The following ABI3BP variants were observed in gnomAD, a reference collection of about 807,000 sequenced individuals.
ABI3BP encodes the protein target of Nesh-SH3.
Under a neutral mutation model 268.6 loss-of-function variants are expected in ABI3BP, and 216 were observed. The observed-to-expected ratio is 0.80, with a 90% confidence interval of 0.72 to 0.90. The LOEUF (loss-of-function observed/expected upper bound fraction) is 0.90. Among genes scored for constraint, ABI3BP ranks in the 40% least tolerant of loss-of-function variants. The pLI is 0.00. For synonymous variants in ABI3BP, 730 were observed against 730.0 expected (o/e 1.00, Z 0.00); for missense variants, 2,090 against 2,182.4 (o/e 0.96, Z 0.84).
At chr3:100,983,725 C>T (rs1010841601) in intron 1 of ABI3BP, among the ~76,000 whole-genome samples, 13 of 152,068 alleles carry the variant, frequency 8.5e-5, no homozygotes, top group African/African-American at 2.7e-4. Context: ...AATCCTAATA[C>T]GATGATTAAA....
intron 1 of ABI3BP, among the ~76,000 whole-genome samples, chr3:100,933,002 T>C (rs373833767): frequency 2.6e-5 from 4 of 151,998 alleles, no homozygotes; most frequent in Admixed American, 2.0e-4. Context: ...AGGAATTCTT[T>C]CATATCTAAT....
Position 100,792,694 on chromosome 3 carries a change from G to A in ABI3BP, c.4021C>T (p.Gln1341Ter). 1 of 1,611,134 alleles carries A rather than the reference G, an allele frequency of 6.2e-7. No homozygotes were observed. ...CAGAGGTAGGGGAGAGGATTACCCT[G>A]AGTTGTCTTTGCTAGTTCAGTTGTT... The part of the protein sequence containing the change: ...PRTTELAKTT[Q>*]APHRFYTTVR... The change falls in exon 55 of 68, where the codon CAG becomes TAG. Residue 1341 changes from glutamine to a stop codon, truncating the protein, a stop_gained. Coordinates refer to ENST00000471714, the MANE Select transcript of ABI3BP (RefSeq NM_001375547.2). LOFTEE classifies it high-confidence loss of function.
intron 1 of ABI3BP, among the ~76,000 whole-genome samples, chr3:100,935,177 G>A (rs778604243): frequency 1.5e-4 from 23 of 152,256 alleles, no homozygotes; most frequent in Non-Finnish European, 2.4e-4. Flanking sequence ...AACGGATCCA[G>A]TTTCTGCTTT....
intron 29 of ABI3BP, among the ~76,000 whole-genome samples, 151 bp from the exon 30 acceptor site, chr3:100,833,308 T>C (rs2098523254): frequency 6.6e-6 from 1 of 152,168 alleles, no homozygotes; most frequent in East Asian, 1.9e-4. Context: ...CAAGTGAGGG[T>C]ACATATTTAT....
chr3:100,848,045 A>C (rs2098793666), intron 18 of ABI3BP, among the ~76,000 whole-genome samples: 1 of 152,184 alleles, frequency 6.6e-6, no homozygotes, highest in African/African-American at 2.4e-5. Context: ...CTGTATCTTC[A>C]ACTCTTTCTT....
At chr3:100,780,021 T>TA (rs2096823071) in intron 58 of ABI3BP, 111 bp downstream of exon 58, 1 of 890,972 alleles carries the variant, frequency 1.1e-6, no homozygotes, top group Admixed American at 2.0e-5. Flanking sequence ...GTGGTTCTGA[T>TA]ACTTCGGGGG....
rs1410078131 is a variant in ABI3BP at position 100,850,060 on chromosome 3, G to C, written c.1486C>G (p.Gln496Glu). Residue 496 changes from glutamine to glutamate, a missense_variant, in exon 17 of 68, where the codon CAG becomes GAG. Physicochemically the swap from Gln to Glu is conservative, Grantham distance 29 (BLOSUM62 2). Coordinates refer to ENST00000471714, the MANE Select transcript of ABI3BP (RefSeq NM_001375547.2). ...CATTAGTTACCAGGTGTCGTAGGCT[G>C]CATTTCTGGACTGGTAAAGATTTCC... ...KLEIFTSPEM[Q>E]PTTPAPQQTT... The C allele has an allele frequency of 1.2e-6, 2 of 1,611,266 alleles. No homozygotes were observed. The highest frequency in any genetic ancestry group is 1.7e-5 in the Admixed American group (1 of 59,750).
At chr3:100,937,685 C>A (rs991962607) in intron 1 of ABI3BP, among the ~76,000 whole-genome samples, 3 of 152,026 alleles carry the variant, frequency 2.0e-5, no homozygotes, top group African/African-American at 7.2e-5. Flanking sequence ...ACTCAACAAA[C>A]ATAAAGTTAG....
intron 15 of ABI3BP, 22 bp downstream of exon 15, chr3:100,851,853 A>G (rs1251203433): frequency 1.3e-6 from 2 of 1,565,434 alleles, no homozygotes; most frequent in Admixed American, 3.9e-5. Context: ...ATCCAAAGAC[A>G]GAATTGAGAG....
In ABI3BP at chr3:100,864,900, A is replaced by G. The variant is rs2099035166; in HGVS notation, c.996T>C (p.Pro332=). The change falls in exon 11 of 68, where the codon CCT becomes CCC. Residue 332 remains proline (P), a synonymous_variant. Transcript: ENST00000471714. The stretch of plus-strand genomic sequence containing the variant: ...GTTTAGTGCTTCTTGGAACTGTTTC[A>G]GGAGTCACTGAAAGGTAAAAAGCAC... ...KISARPTTVT[P]ETVPRSTKPT... 6.2e-7 allele frequency: 1 copy of G among 1,604,316 alleles called. No homozygotes were observed.
Position 100,774,654 on chromosome 3 carries a change from G to A in ABI3BP, c.4482C>T (p.Ser1494=). 1 of 1,580,700 alleles carries A rather than the reference G, an allele frequency of 6.3e-7. No individual in the cohort carries two copies. Among genetic ancestry groups the A allele is most frequent in the East Asian group, 2.3e-5 (1 of 44,020 alleles). ...GATCAGTTTCTCTTGTTGGGCTTGA[G>A]CTAAAGTCAGTTATATTTTCTGAGA... is the stretch of plus-strand genomic sequence containing the variant. ...GEELENITDF[S]SSPTRETDPL... is the part of the protein sequence containing the mutation. The change falls in exon 61 of 68, where the codon AGC becomes AGT. Residue 1494 remains serine (S), a synonymous_variant. Coordinates refer to ENST00000471714, the MANE Select transcript of ABI3BP (RefSeq NM_001375547.2).
chr3:100,862,583 C>T (rs2099010181), intron 13 of ABI3BP, 198 bp from the exon 14 acceptor site: 1 of 580,088 alleles, frequency 1.7e-6, no homozygotes, highest in Non-Finnish European at 3.0e-6. Flanking sequence ...CAGAGAGAGA[C>T]CAGAGTTTGG....
intron 57 of ABI3BP, among the ~76,000 whole-genome samples, chr3:100,784,908 T>TA (rs1169730268): frequency 6.6e-6 from 1 of 152,000 alleles, no homozygotes; most frequent in Non-Finnish European, 1.5e-5. Flanking sequence ...AAGCTAGGGA[T>TA]AAAAAACTAC....
chr3:100,841,868 C>T, intron 21 of ABI3BP, 130 bp downstream of exon 21: 2 of 737,450 alleles, frequency 2.7e-6, no homozygotes, highest in Non-Finnish European at 4.1e-6. Context: ...CCAGCCTGGG[C>T]AAAAAAACGA....
intron 1 of ABI3BP, among the ~76,000 whole-genome samples, chr3:100,936,653 C>T (rs752735788): frequency 5.9e-5 from 9 of 151,712 alleles, no homozygotes; most frequent in Middle Eastern, 3.2e-3. Flanking sequence ...CCTCAATTTC[C>T]GAACTTGTTA....
chr3:100,903,670 G>A (rs2051648347), intron 2 of ABI3BP, among the ~76,000 whole-genome samples: 1 of 152,178 alleles, frequency 6.6e-6, no homozygotes, highest in Non-Finnish European at 1.5e-5. Flanking sequence ...TCCCCTCCAT[G>A]AGTCTGGAGC....
intron 20 of ABI3BP, among the ~76,000 whole-genome samples, chr3:100,844,855 T>C (rs898998737): frequency 6.6e-6 from 1 of 152,200 alleles, no homozygotes; most frequent in African/African-American, 2.4e-5. Context: ...CAAGTAATTC[T>C]TCCCATGTTA....
At chr3:100,934,022 G>A (rs2064842666) in intron 1 of ABI3BP, among the ~76,000 whole-genome samples, 1 of 151,916 alleles carries the variant, frequency 6.6e-6, no homozygotes, top group South Asian at 2.1e-4. Flanking sequence ...TGGGGTACAT[G>A]TGCAGAACGT....
At chr3:100,763,910 C>T (rs1011401648) in intron 63 of ABI3BP, among the ~76,000 whole-genome samples, 1 of 152,166 alleles carries the variant, frequency 6.6e-6, no homozygotes, top group African/African-American at 2.4e-5. Flanking sequence ...CGACTAAAAG[C>T]CAGAATGAAA....
Sources: gnomAD v4.1 joint callset for allele counts (sites outside exome capture counted in the v4.1 genomes callset) on GRCh38, gnomAD v4.1.1 for gene constraint, MANE v1.5 for transcripts, NCBI Gene and HGNC (gene_info 2026-07-23, HGNC 2026-07-21) for gene names.